The following EYA4 variants were observed in gnomAD, a reference collection of about 807,000 sequenced individuals.
EYA4 encodes protein phosphatase EYA4.
In EYA4, 31 loss-of-function variants were observed where a neutral mutation model predicts 87.9. The ratio of observed to expected loss-of-function variants is 0.35; its 90% confidence interval spans 0.27 to 0.48. The LOEUF (loss-of-function observed/expected upper bound fraction) is 0.48, where lower values mean the gene tolerates loss of function less well. EYA4 is among the 20% of genes least tolerant of loss of function. EYA4 has a pLI of 0.99. For missense variants in EYA4, 678 were observed against 761.4 expected, an observed-to-expected ratio of 0.89 and a Z score of 1.29; for synonymous variants, 263 against 270.6, an observed-to-expected ratio of 0.97 and a Z score of 0.28.
chr6:133,360,216 G>T (rs1439053648), intron 2 of EYA4: 2 of 152,220 alleles, frequency 1.3e-5, no homozygotes, highest in African/African-American at 2.4e-5. Flanking sequence ...ACATTTACAA[G>T]TAAAGGTATT....
Position 133,518,036 on chromosome 6 carries a change from C to T in EYA4, c.1616+2601C>T, listed in dbSNP as rs530629149. Among the ~76,000 whole-genome samples the T allele has an allele frequency of 3.3e-4, 51 of 152,298 alleles. 1 individual carries two copies. In the South Asian group the frequency reaches 0.01, roughly 30 times the overall value. ...CCAGTTGAAATGGGACTTGCTATCT[C>T]ATGTCCTCTGTAATTGGTGACAAGA... On this transcript the variant is annotated intron_variant, in intron 17 of 19. Transcript: ENST00000355286.
intron 3 of EYA4, among the ~76,000 whole-genome samples, chr6:133,405,530 A>G (rs922654797): frequency 6.6e-6 from 1 of 152,126 alleles, no homozygotes; most frequent in African/African-American, 2.4e-5. Context: ...TCTATTTCCT[A>G]TGTATGAAAG....
At chr6:133,527,517 C>G (rs2128823536) in intron 19 of EYA4, among the ~76,000 whole-genome samples, 1 of 152,228 alleles carries the variant, frequency 6.6e-6, no homozygotes, top group South Asian at 2.1e-4. Flanking sequence ...AACATGTCAA[C>G]CCAGTATACC....
chr6:133,511,442 G>A (rs991174481), intron 14 of EYA4, among the ~76,000 whole-genome samples: 1 of 151,624 alleles, frequency 6.6e-6, no homozygotes, highest in Non-Finnish European at 1.5e-5. Flanking sequence ...TTACTCTGAG[G>A]TTAATATGAT....
intron 17 of EYA4, among the ~76,000 whole-genome samples, chr6:133,518,804 C>A (rs1799839198): frequency 6.6e-6 from 1 of 152,126 alleles, no homozygotes; most frequent in Non-Finnish European, 1.5e-5. Context: ...ATCTCTCAGA[C>A]CACAGTGCAA....
chr6:133,264,228 AG>A (rs1487904983), intron 1 of EYA4, among the ~76,000 whole-genome samples: 7 of 152,148 alleles, frequency 4.6e-5, no homozygotes, highest in Non-Finnish European at 8.8e-5. Context: ...CGGTGGTCCC[AG>A]GGAGCAAAAA....
intron 3 of EYA4, among the ~76,000 whole-genome samples, chr6:133,420,341 G>T (rs1028314408): frequency 6.6e-6 from 1 of 152,194 alleles, no homozygotes; most frequent in Non-Finnish European, 1.5e-5. Flanking sequence ...TTTCTCTCCT[G>T]ATTATGATTT....
At chr6:133,474,066 G>A (rs1369431585) in intron 11 of EYA4, among the ~76,000 whole-genome samples, 1 of 151,972 alleles carries the variant, frequency 6.6e-6, no homozygotes, top group African/African-American at 2.4e-5. Context: ...CCTGTGGAAG[G>A]TTTTTCTCAA....
In EYA4 at chr6:133,317,337, A is replaced by G. The variant is rs112256894; in HGVS notation, c.33+42524A>G. 5.7e-4 allele frequency among the ~76,000 whole-genome samples: 87 copies of G among 152,326 alleles called. No homozygotes were observed. In the Middle Eastern group the frequency reaches 0.014, roughly 24 times the overall value. ...TAATGACCCATATAAATAAACAGCC[A>G]AAGATTAATTTAGCTGCCAGGTAAG... On this transcript the variant is annotated intron_variant, in intron 2 of 19. Transcript: ENST00000355286.
chr6:133,431,949 A>ATT lies in EYA4; in HGVS notation c.84-14667_84-14666dup, dbSNP rs34742458. 9.7e-4 allele frequency among the ~76,000 whole-genome samples: 140 copies of ATT among 143,990 alleles called. 1 individual carries two copies. Among genetic ancestry groups the ATT allele is most frequent in the African/African-American group, 3.3e-3 (128 of 39,016 alleles). 94.5% of individuals were successfully genotyped at this position (143,990 alleles called of 152,430 possible). On this transcript the variant is annotated intron_variant, in intron 3 of 19. Transcript: ENST00000355286. ...CCCAATAAAATAGTCCATTTTCTTG[A>ATT]TTTTTTTTTTTTTTTGCCAATATCT...
At chr6:133,448,546 C>A (rs1241554772) in intron 5 of EYA4, among the ~76,000 whole-genome samples, 2 of 152,084 alleles carry the variant, frequency 1.3e-5, no homozygotes, top group African/African-American at 4.8e-5. Flanking sequence ...AACTTAATCA[C>A]CTTCATAACC....
At chr6:133,423,252 A>C (rs763447041) in intron 3 of EYA4, among the ~76,000 whole-genome samples, 3 of 152,196 alleles carry the variant, frequency 2.0e-5, no homozygotes, top group Non-Finnish European at 4.4e-5. Flanking sequence ...ATTTATGCAA[A>C]ATACACAAAA....
intron 2 of EYA4, among the ~76,000 whole-genome samples, chr6:133,320,190 G>T (rs1209780303): frequency 8.2e-5 from 11 of 133,942 alleles, no homozygotes; most frequent in African/African-American, 2.8e-4. Context: ...CTATTGGATT[G>T]TTAGGGATTT....
intron 2 of EYA4, 60 bp downstream of exon 2, chr6:133,274,873 C>A: frequency 8.2e-7 from 1 of 1,215,364 alleles, no homozygotes. Context: ...GAAAATCATA[C>A]GTAAAAGAGA....
chr6:133,472,930 TG>T (rs1795401370), intron 11 of EYA4, among the ~76,000 whole-genome samples: 1 of 151,680 alleles, frequency 6.6e-6, no homozygotes, highest in Admixed American at 6.6e-5. Context: ...TGCCTTTTTT[TG>T]TTTTCCATTG....
At chr6:133,265,309 G>A (rs1161951482) in intron 1 of EYA4, among the ~76,000 whole-genome samples, 2 of 151,524 alleles carry the variant, frequency 1.3e-5, no homozygotes, top group South Asian at 2.1e-4. Context: ...GGCAAAAACC[G>A]CAATTGTTTT....
intron 2 of EYA4, among the ~76,000 whole-genome samples, chr6:133,349,228 G>A (rs1359156990): frequency 1.3e-5 from 2 of 152,112 alleles, no homozygotes; most frequent in Non-Finnish European, 2.9e-5. Context: ...TTTTATAATA[G>A]CATTCATTCC....
intron 12 of EYA4, 90 bp downstream of exon 12, chr6:133,481,689 A>G: frequency 6.8e-7 from 1 of 1,467,906 alleles, no homozygotes; most frequent in Non-Finnish European, 9.5e-7. Context: ...TATGTTTCAA[A>G]TTTAAAAATC....
intron 11 of EYA4, among the ~76,000 whole-genome samples, chr6:133,478,439 A>G (rs1405867051): frequency 7.6e-6 from 1 of 132,398 alleles, no homozygotes; most frequent in Non-Finnish European, 1.8e-5. Flanking sequence ...AGTGTAATAG[A>G]TACAGTGTAA....
Sources: allele counts gnomAD v4.1 joint callset (sites outside exome capture counted in the v4.1 genomes callset), GRCh38; gene constraint gnomAD v4.1.1; transcripts MANE v1.5; gene names NCBI Gene and HGNC (gene_info 2026-07-23, HGNC 2026-07-21).